Variants in PSD3 observed in about 807,000 individuals in gnomAD.
PSD3 encodes PH and SEC7 domain-containing protein 3.
Under a neutral mutation model 105.5 loss-of-function variants are expected in PSD3, and 49 were observed. The ratio of observed to expected loss-of-function variants is 0.46; its 90% CI spans 0.37 to 0.59. The LOEUF (loss-of-function observed/expected upper bound fraction) is 0.59. Among genes scored for constraint, PSD3 ranks in the 20% least tolerant of loss-of-function variants. The probability of loss-of-function intolerance (pLI) is 0.00; values close to 1 mark genes in which losing one functional copy is unlikely to be tolerated. For synonymous variants in PSD3, 557 were observed against 457.8 expected (o/e 1.22, Z -2.77); for missense variants, 1,561 against 1,263.8 (o/e 1.24, Z -3.57).
At chr8:18,914,003 T>C (rs1416453339) in intron 2 of PSD3, among the ~76,000 whole-genome samples, 2 of 151,858 alleles carry the variant, frequency 1.3e-5, no homozygotes, top group Non-Finnish European at 2.9e-5. Context: ...TCCGGGCCCA[T>C]CAGAGTAAAC....
At chr8:19,073,371 A>T (rs6586799) in intron 1 of PSD3, among the ~76,000 whole-genome samples, 3 of 151,572 alleles carry the variant, frequency 2.0e-5, no homozygotes, top group South Asian at 4.2e-4. Context: ...GCCAAAATGG[A>T]GAAAGCCCAT....
In PSD3 at chr8:18,534,143, C is replaced by T. The variant is rs1302586204; in HGVS notation, c.*1600G>A. On this transcript the variant is annotated 3_prime_UTR_variant, in exon 16 of 16. Coordinates refer to ENST00000327040, the MANE Select transcript of PSD3 (RefSeq NM_015310.4). ...GCAGGTTTTCTCTAATTCACTGGAA[C>T]CATGCTATTCCTGTAGAGCAGCTGA... is the stretch of plus-strand genomic sequence containing the variant. 6.6e-6 allele frequency: 1 copy of T among 152,304 alleles called. No homozygotes were observed. Among genetic ancestry groups the T allele is most frequent in the Non-Finnish European group, 1.5e-5 (1 of 68,040 alleles). The allele number at this position is 152,304 out of a possible 1,614,324, so 9.4% of individuals were successfully genotyped here. A position where few individuals can be genotyped will look rare whatever the true frequency, so the allele number is the denominator to read the frequency against.
chr8:18,818,111 G>A (rs1251337730), intron 4 of PSD3, among the ~76,000 whole-genome samples: 3 of 152,008 alleles, frequency 2.0e-5, no homozygotes, highest in Admixed American at 6.6e-5. Flanking sequence ...CTGCCACTAC[G>A]CTTGGCTAAT....
At chr8:19,009,798 G>A (rs967955295) in intron 1 of PSD3, among the ~76,000 whole-genome samples, 1 of 149,738 alleles carries the variant, frequency 6.7e-6, no homozygotes, top group South Asian at 2.1e-4. Flanking sequence ...GGCTGAGACA[G>A]GAGAATTGCT....
chr8:18,802,288 C>T (rs1252614882), intron 6 of PSD3: 2 of 389,226 alleles, frequency 5.1e-6, no homozygotes, highest in Admixed American at 2.7e-5. Context: ...CTCGGAGTCA[C>T]TAAGAGCACT....
intron 1 of PSD3, among the ~76,000 whole-genome samples, chr8:18,978,390 C>A (rs2129472567): frequency 6.6e-6 from 1 of 152,274 alleles, no homozygotes; most frequent in African/African-American, 2.4e-5. Context: ...CAAGGAAGGT[C>A]ACAGGATTTT....
In PSD3 at chr8:19,034,161, C is replaced by T. The variant is rs73666795; in HGVS notation, c.324+50045G>A. ...GACTGGGGCGTCAGAATTAGTGGCT[C>T]TTTTTCCCAGAGTTAAGGCTAGTTC... On this transcript the variant is annotated intron_variant, in intron 1 of 1. Coordinates refer to the PSD3 transcript ENST00000521475. Among the ~76,000 whole-genome samples the T allele has an allele frequency of 6.5e-3, 985 of 152,236 alleles. 16 individuals are homozygous for T. Among genetic ancestry groups the T allele is most frequent in the African/African-American group, 0.023 (936 of 41,530 alleles).
At chr8:18,614,897 A>C (rs530780413) in intron 11 of PSD3, among the ~76,000 whole-genome samples, 22 of 151,818 alleles carry the variant, frequency 1.4e-4, no homozygotes, top group African/African-American at 5.3e-4. Context: ...CAGCCTCCCT[A>C]AGTGTTGAAA....
At chr8:18,726,085 C>T (rs1180959376) in intron 9 of PSD3, among the ~76,000 whole-genome samples, 1 of 152,150 alleles carries the variant, frequency 6.6e-6, no homozygotes, top group Non-Finnish European at 1.5e-5. Context: ...TATTGAAAGA[C>T]AGAAGACAAA....
intron 11 of PSD3, among the ~76,000 whole-genome samples, chr8:18,601,703 A>G (rs1406473425): frequency 6.6e-6 from 1 of 152,256 alleles, no homozygotes; most frequent in Non-Finnish European, 1.5e-5. Context: ...AAAAAAAAGC[A>G]TACCATTATT....
chr8:18,885,966 C>T (rs1294695403), intron 2 of PSD3, among the ~76,000 whole-genome samples: 1 of 152,122 alleles, frequency 6.6e-6, no homozygotes, highest in African/African-American at 2.4e-5. Flanking sequence ...TAACCTTGTT[C>T]CCTTCAAGGC....
chr8:18,627,931 T>A (rs1806611651), intron 11 of PSD3, among the ~76,000 whole-genome samples: 1 of 151,354 alleles, frequency 6.6e-6, no homozygotes, highest in Admixed American at 6.6e-5. Context: ...ACAGAATAAA[T>A]ATATTCAAGG....
intron 10 of PSD3, among the ~76,000 whole-genome samples, chr8:18,636,786 G>A (rs932415725): frequency 6.6e-6 from 1 of 152,132 alleles, no homozygotes; most frequent in Non-Finnish European, 1.5e-5. Context: ...GAGCTATACA[G>A]GATTATAGCC....
At chr8:18,837,921 T>C (rs575007658) in intron 4 of PSD3, among the ~76,000 whole-genome samples, 1 of 113,638 alleles carries the variant, frequency 8.8e-6, no homozygotes, top group Non-Finnish European at 1.9e-5. Flanking sequence ...ATCTTGAAGA[T>C]GCCAGTTGTC....
chr8:18,827,038 A>G (rs1492286), intron 4 of PSD3, among the ~76,000 whole-genome samples: 34,857 of 152,108 alleles, frequency 0.23, 4,473 homozygotes, highest in Non-Finnish European at 0.27. Flanking sequence ...GTCACAGTTA[A>G]GAGCAGCAGC....
intron 4 of PSD3, among the ~76,000 whole-genome samples, chr8:18,859,222 T>TA (rs1490748861): frequency 7.1e-6 from 1 of 140,006 alleles, no homozygotes; most frequent in African/African-American, 2.8e-5. Flanking sequence ...TTCAAAGAAA[T>TA]CCTTTTTTTT....
chr8:18,918,277 C>T (rs1820754881), intron 2 of PSD3, among the ~76,000 whole-genome samples: 1 of 152,142 alleles, frequency 6.6e-6, no homozygotes, highest in Non-Finnish European at 1.5e-5. Flanking sequence ...TCTTTCTTCC[C>T]AGCACCCGTT....
chr8:18,527,803 C>T lies in PSD3; in HGVS notation c.*7940G>A, dbSNP rs530018495. 8.5e-5 allele frequency: 13 copies of T among 152,514 alleles called. No homozygotes were observed. In the South Asian group the frequency reaches 1.7e-3, roughly 19 times the overall value. 9.4% of individuals were successfully genotyped at this position (152,514 alleles called of 1,614,324 possible). A position where few individuals can be genotyped will look rare whatever the true frequency, so the allele number is the denominator to read the frequency against. On this transcript the variant is annotated 3_prime_UTR_variant, in exon 16 of 16. Transcript: ENST00000327040. The stretch of plus-strand genomic sequence containing the variant: ...GGTGATGAGGAACAGGTTTCCAGTA[C>T]GTGTTATAGTACCGCCAGCTTACCC...
intron 9 of PSD3, among the ~76,000 whole-genome samples, chr8:18,763,396 A>G (rs1806705369): frequency 6.6e-6 from 1 of 152,108 alleles, no homozygotes; most frequent in African/African-American, 2.4e-5. Flanking sequence ...GATATTAAAA[A>G]CCTGTAAGAT....
Sources: allele counts gnomAD v4.1 joint callset (sites outside exome capture counted in the v4.1 genomes callset), GRCh38; gene constraint gnomAD v4.1.1; transcripts MANE v1.5; gene names NCBI Gene and HGNC (gene_info 2026-07-23, HGNC 2026-07-21).